PDSS1: variants seen among roughly 807,000 people sequenced by gnomAD.
PDSS1 encodes the protein decaprenyl diphosphate synthase subunit 1.
In PDSS1, 43 loss-of-function variants were observed where a neutral mutation model predicts 57.5. The observed-to-expected ratio is 0.75, with a 90% CI of 0.59 to 0.96. The LOEUF is 0.96. Among genes scored for constraint, PDSS1 ranks in the 50% least tolerant of loss-of-function variants. The pLI is 0.00. For synonymous variants in PDSS1, 175 were observed against 191.3 expected, an observed-to-expected ratio of 0.91 and a Z score of 0.70; for missense variants, 438 against 527.8, an observed-to-expected ratio of 0.83 and a Z score of 1.67.
At chr10:26,727,172 A>ACTCATGCAAAATACATTTT (rs1835982462) in intron 8 of PDSS1, among the ~76,000 whole-genome samples, 1 of 151,972 alleles carries the variant, frequency 6.6e-6, no homozygotes, top group African/African-American at 2.4e-5. Flanking sequence ...TACATTTTGT[A>ACTCATGCAAAATACATTTT]GTTTACTAAT....
intron 1 of PDSS1, 54 bp downstream of exon 1, chr10:26,697,894 C>A: frequency 8.1e-7 from 1 of 1,238,156 alleles, no homozygotes; most frequent in South Asian, 2.8e-5. Flanking sequence ...GCTCCAATGA[C>A]AGCAGTGGGC....
intron 1 of PDSS1, among the ~76,000 whole-genome samples, chr10:26,698,438 C>T (rs1195475123): frequency 6.6e-6 from 1 of 152,130 alleles, no homozygotes; most frequent in Non-Finnish European, 1.5e-5. Flanking sequence ...AGGCCCGAGG[C>T]CGTCAGGAGG....
At chr10:26,708,654 A>G (rs1835322189) in intron 4 of PDSS1, among the ~76,000 whole-genome samples, 1 of 152,088 alleles carries the variant, frequency 6.6e-6, no homozygotes, top group Non-Finnish European at 1.5e-5. Context: ...CTTTTGCCAA[A>G]TAAAGGCCAA....
At chr10:26,728,017 C>A (rs1298152690) in intron 8 of PDSS1, among the ~76,000 whole-genome samples, 1 of 152,140 alleles carries the variant, frequency 6.6e-6, no homozygotes, top group Non-Finnish European at 1.5e-5. Context: ...CGCGTGCTGT[C>A]TTGTCTGTCC....
intron 10 of PDSS1, among the ~76,000 whole-genome samples, chr10:26,736,867 C>T (rs2132304966): frequency 6.6e-6 from 1 of 152,228 alleles, no homozygotes; most frequent in Admixed American, 6.5e-5. Flanking sequence ...ATACATGTGC[C>T]CAGTTTTGAC....
At chr10:26,736,364 T>C (rs556777675) in intron 10 of PDSS1, among the ~76,000 whole-genome samples, 1 of 152,392 alleles carries the variant, frequency 6.6e-6, no homozygotes, top group East Asian at 1.9e-4. Context: ...TAATTTGTTA[T>C]GTTGCAAAGC....
intron 10 of PDSS1, chr10:26,740,657 G>C (rs375415578): frequency 6.6e-6 from 3 of 456,600 alleles, no homozygotes; most frequent in African/African-American, 6.0e-5. Flanking sequence ...TCACTGCCAG[G>C]GAAAAACTGG....
At chr10:26,744,041 G>C (rs563754091) in intron 11 of PDSS1, among the ~76,000 whole-genome samples, 2 of 152,254 alleles carry the variant, frequency 1.3e-5, no homozygotes, top group South Asian at 4.1e-4. Flanking sequence ...TCCAAAGAAG[G>C]GCTGCAATGT....
At chr10:26,722,094 G>A (rs1244347489) in intron 6 of PDSS1, among the ~76,000 whole-genome samples, 1 of 152,072 alleles carries the variant, frequency 6.6e-6, no homozygotes, top group Non-Finnish European at 1.5e-5. Context: ...TGGACCTTTG[G>A]TCTCTAGGAT....
rs1198725967 is a variant in PDSS1, at chr10:26,746,661, T to C, written c.*188T>C. ...CAGAAAACTTTTTAAATGTAATTAATAAACCACCTGAATCTGTCATTCTAG... is the reference window on the plus strand; with the variant it reads ...CAGAAAACTTTTTAAATGTAATTAACAAACCACCTGAATCTGTCATTCTAG... On this transcript the variant is annotated 3_prime_UTR_variant, in exon 12 of 12. Transcript: ENST00000376215. 3 of 596,338 alleles carry C rather than the reference T, an allele frequency of 5.0e-6. No homozygotes were observed. Among genetic ancestry groups the C allele is most frequent in the Non-Finnish European group, 8.9e-6 (3 of 336,336 alleles). The allele number at this position is 596,338 out of a possible 1,614,324, so 36.9% of individuals were successfully genotyped here.
intron 4 of PDSS1, among the ~76,000 whole-genome samples, chr10:26,706,634 C>G (rs904763063): frequency 5.3e-5 from 8 of 152,210 alleles, no homozygotes; most frequent in African/African-American, 1.9e-4. Context: ...CATCCACTGA[C>G]CCAGTGCTTC....
rs7901454 is a variant in PDSS1 at position 26,709,586 on chromosome 10, C to T, written c.337-52C>T. On this transcript the variant is annotated intron_variant, in intron 4 of 11. Coordinates refer to ENST00000376215, the MANE Select transcript of PDSS1 (RefSeq NM_014317.5). ...CAAAAAAAAAAAGAAATCCTGTTGG[C>T]TTTCTGTGCAGTTTTTTGATGCCAT... 8.2e-4 allele frequency: 1,296 copies of T among 1,579,192 alleles called. 17 individuals are homozygous for T. The African/African-American group carries it at 0.012, about 14-fold the overall frequency.
chr10:26,734,341 A>G (rs976630336), intron 8 of PDSS1, among the ~76,000 whole-genome samples: 3 of 152,192 alleles, frequency 2.0e-5, no homozygotes, highest in Admixed American at 6.5e-5. Context: ...TGGCTTTCTC[A>G]TGGAGAGTCA....
chr10:26,735,988 A>G (rs1169809643), intron 10 of PDSS1, among the ~76,000 whole-genome samples: 1 of 152,182 alleles, frequency 6.6e-6, no homozygotes, highest in Non-Finnish European at 1.5e-5. Flanking sequence ...CTTAAAAGGC[A>G]TAGGAAGCAT....
intron 8 of PDSS1, 86 bp downstream of exon 8, chr10:26,724,209 A>G (rs1386550142): frequency 1.1e-6 from 1 of 940,098 alleles, no homozygotes; most frequent in Non-Finnish European, 1.7e-6. Flanking sequence ...TCGGTGAAGA[A>G]TCTTAAAATA....
chr10:26,701,276 G>C (rs745406202), intron 1 of PDSS1, among the ~76,000 whole-genome samples: 22 of 152,234 alleles, frequency 1.4e-4, no homozygotes, highest in Admixed American at 6.5e-4. Context: ...ATTCAAGCTG[G>C]CTGCAGACAT....
intron 5 of PDSS1, among the ~76,000 whole-genome samples, chr10:26,719,029 T>C (rs1588685477): frequency 6.6e-6 from 1 of 152,218 alleles, no homozygotes; most frequent in East Asian, 1.9e-4. Flanking sequence ...AGCATTACCT[T>C]GTGCAGATGT....
At chr10:26,739,403 G>A (rs1321320191) in intron 10 of PDSS1, among the ~76,000 whole-genome samples, 1 of 152,110 alleles carries the variant, frequency 6.6e-6, no homozygotes, top group Non-Finnish European at 1.5e-5. Context: ...CACATTAAGG[G>A]GACTGGGGAG....
intron 8 of PDSS1, among the ~76,000 whole-genome samples, chr10:26,726,384 A>G (rs946947484): frequency 6.6e-6 from 1 of 152,254 alleles, no homozygotes; most frequent in Non-Finnish European, 1.5e-5. Flanking sequence ...GCAAAATGAT[A>G]GTGTGAGCTA....
Sources: gnomAD v4.1 joint callset for allele counts (sites outside exome capture counted in the v4.1 genomes callset) on GRCh38, gnomAD v4.1.1 for gene constraint, MANE v1.5 for transcripts, NCBI Gene and HGNC (gene_info 2026-07-23, HGNC 2026-07-21) for gene names.